ZBTB20: variants seen among roughly 807,000 people sequenced by gnomAD.
The protein encoded by ZBTB20 is zinc finger and BTB domain-containing protein 20.
ZBTB20 carries 9 observed loss-of-function variants against 56.9 expected under a neutral mutation model. That is an observed-to-expected ratio of 0.16 (90% CI 0.10 to 0.28). ZBTB20 has a LOEUF of 0.28. Among genes scored for constraint, ZBTB20 ranks in the 10% least tolerant of loss-of-function variants. The probability of loss-of-function intolerance (pLI) is 1.00; values close to 1 mark genes in which losing one functional copy is unlikely to be tolerated. For missense variants in ZBTB20, 655 were observed against 1,003.0 expected (o/e 0.65, Z 4.69); for synonymous variants, 417 against 420.7 (o/e 0.99, Z 0.11).
intron 6 of ZBTB20, among the ~76,000 whole-genome samples, chr3:114,625,626 G>C (rs918107961): frequency 2.0e-5 from 3 of 152,060 alleles, no homozygotes; most frequent in Non-Finnish European, 4.4e-5. Flanking sequence ...GTAGAGAAGA[G>C]CTTAGAGAAA....
intron 7 of ZBTB20, among the ~76,000 whole-genome samples, chr3:114,436,442 G>A (rs1262038705): frequency 6.6e-6 from 1 of 152,150 alleles, no homozygotes; most frequent in African/African-American, 2.4e-5. Flanking sequence ...TCTGTAAAAA[G>A]AGGAGACTCG....
intron 6 of ZBTB20, among the ~76,000 whole-genome samples, chr3:114,573,483 A>C (rs1300196256): frequency 2.0e-5 from 3 of 150,996 alleles, no homozygotes; most frequent in East Asian, 3.9e-4. Context: ...AAAAGAAAGA[A>C]AGACAGAAAG....
chr3:114,657,355 A>G lies in ZBTB20; in HGVS notation c.-295+36173T>C, dbSNP rs530769545. ...TTCTGGGATTCATAAAGCCTGAGAC[A>G]TTTACCAAACCCTTCTAACTTTGTA... On this transcript the variant is annotated intron_variant, in intron 6 of 11. Transcript: ENST00000675478. Among the ~76,000 whole-genome samples the G allele has an allele frequency of 9.2e-5, 14 of 152,286 alleles. No homozygotes were observed. In the South Asian group the frequency reaches 2.7e-3, roughly 29 times the overall value.
At chr3:114,897,187 G>A in intron 4 of ZBTB20, among the ~76,000 whole-genome samples, 1 of 152,080 alleles carries the variant, frequency 6.6e-6, no homozygotes, top group South Asian at 2.1e-4. Flanking sequence ...GAAACATTAG[G>A]TAACTTGATT....
At chr3:114,541,232 C>A (rs956335507) in intron 6 of ZBTB20, among the ~76,000 whole-genome samples, 2 of 151,988 alleles carry the variant, frequency 1.3e-5, no homozygotes, top group African/African-American at 4.8e-5. Context: ...TGATTAAATG[C>A]AAAAAATCTA....
At chr3:114,464,330 A>AAAAC (rs2092453325) in intron 7 of ZBTB20, among the ~76,000 whole-genome samples, 2 of 152,220 alleles carry the variant, frequency 1.3e-5, no homozygotes. Flanking sequence ...TAATTATAGA[A>AAAAC]GTGAATAGAA....
chr3:114,743,149 T>G (rs992014609), intron 5 of ZBTB20, among the ~76,000 whole-genome samples: 2 of 152,138 alleles, frequency 1.3e-5, no homozygotes, highest in Non-Finnish European at 2.9e-5. Flanking sequence ...CTATGATGAA[T>G]GAATACAAAG....
chr3:114,599,613 T>C (rs1255881168), intron 6 of ZBTB20, among the ~76,000 whole-genome samples: 1 of 152,076 alleles, frequency 6.6e-6, no homozygotes, highest in East Asian at 1.9e-4. Flanking sequence ...CAATAATAAT[T>C]TTTATAGCTA....
intron 1 of ZBTB20, among the ~76,000 whole-genome samples, chr3:115,083,061 T>A (rs2082854434): frequency 6.6e-6 from 1 of 151,978 alleles, no homozygotes; most frequent in African/African-American, 2.4e-5. Flanking sequence ...ATACCTACAA[T>A]GGAAACTCAA....
In ZBTB20 at chr3:114,380,903, G is replaced by T; in HGVS notation, c.-116C>A. 2 of 877,970 alleles carry T rather than the reference G, an allele frequency of 2.3e-6. No homozygotes were observed. The highest frequency in any genetic ancestry group is 3.2e-6 in the Non-Finnish European group (2 of 628,534). The allele number at this position is 877,970 out of a possible 1,614,324, so 54.4% of individuals were successfully genotyped here. On this transcript the variant is annotated 5_prime_UTR_variant, in exon 9 of 12. Coordinates refer to ENST00000675478, the MANE Select transcript of ZBTB20 (RefSeq NM_001348800.3). ...CCTCTAACTTGCTGTGTGGCCTTGG[G>T]CACCTCACTTCACCTCTCTGGGCTT...
chr3:114,496,920 C>T (rs991755847), intron 7 of ZBTB20, among the ~76,000 whole-genome samples: 3 of 152,210 alleles, frequency 2.0e-5, no homozygotes, highest in African/African-American at 4.8e-5. Context: ...GCTCCTCCCT[C>T]ACACCCACTA....
intron 1 of ZBTB20, among the ~76,000 whole-genome samples, chr3:115,078,613 G>GTGTGTATATATATATA (rs769630983): frequency 7.3e-6 from 1 of 137,828 alleles, no homozygotes; most frequent in African/African-American, 2.8e-5. Context: ...GTGTGTGTGT[G>GTGTGTATATATATATA]TATATATATA....
At chr3:114,750,140 T>G (rs2067448039) in intron 5 of ZBTB20, among the ~76,000 whole-genome samples, 1 of 152,190 alleles carries the variant, frequency 6.6e-6, no homozygotes, top group Admixed American at 6.5e-5. Flanking sequence ...AAATAAGTCT[T>G]GCTCCCCAAA....
At chr3:115,005,214 T>C (rs1377753181) in intron 2 of ZBTB20, among the ~76,000 whole-genome samples, 1 of 151,836 alleles carries the variant, frequency 6.6e-6, no homozygotes, top group Admixed American at 6.6e-5. Flanking sequence ...AATAAAAATT[T>C]CCACCTCTTG....
intron 1 of ZBTB20, among the ~76,000 whole-genome samples, chr3:115,139,477 G>C (rs2084749369): frequency 6.6e-6 from 1 of 151,946 alleles, no homozygotes. Context: ...TTCCTAGTCA[G>C]ATTTCTTTGC....
chr3:114,957,778 T>C (rs2077299335), intron 3 of ZBTB20, among the ~76,000 whole-genome samples: 2 of 152,214 alleles, frequency 1.3e-5, no homozygotes. Flanking sequence ...GCTCAACTCA[T>C]ATCTGATGAG....
intron 4 of ZBTB20, among the ~76,000 whole-genome samples, chr3:114,807,035 T>C (rs2072157684): frequency 6.6e-6 from 1 of 151,992 alleles, no homozygotes; most frequent in Non-Finnish European, 1.5e-5. Context: ...TTATCTAATT[T>C]TGTTTTCCTT....
chr3:114,340,759 T>C (rs2079698885), intron 11 of ZBTB20, among the ~76,000 whole-genome samples: 1 of 152,172 alleles, frequency 6.6e-6, no homozygotes, highest in Non-Finnish European at 1.5e-5. Flanking sequence ...TGATCCAAAC[T>C]AAAACTGAAA....
chr3:114,509,327 T>C (rs559701884), intron 6 of ZBTB20, among the ~76,000 whole-genome samples: 47 of 152,178 alleles, frequency 3.1e-4, no homozygotes, highest in African/African-American at 1.0e-3. Context: ...ATGCCTCTAC[T>C]TAGGGGAATT....
Sources: gnomAD v4.1 joint callset for allele counts (sites outside exome capture counted in the v4.1 genomes callset) on GRCh38, gnomAD v4.1.1 for gene constraint, MANE v1.5 for transcripts, NCBI Gene and HGNC (gene_info 2026-07-23, HGNC 2026-07-21) for gene names.